The following SLC25A36 variants were observed in gnomAD, a reference collection of about 807,000 sequenced individuals.
SLC25A36 encodes the protein solute carrier family 25 member 36.
A neutral mutation model predicts 35.3 loss-of-function variants in SLC25A36; 24 were observed. The observed-to-expected ratio is 0.68, with a 90% CI of 0.49 to 0.96. The LOEUF (loss-of-function observed/expected upper bound fraction) is 0.96. Among genes scored for constraint, SLC25A36 ranks in the 40% least tolerant of loss-of-function variants. The probability of loss-of-function intolerance (pLI) is 0.00; values close to 1 mark genes in which losing one functional copy is unlikely to be tolerated. For missense variants in SLC25A36, 294 were observed against 381.1 expected (o/e 0.77, Z 1.90); for synonymous variants, 141 against 132.2 (o/e 1.07, Z -0.46).
chr3:140,954,740 G>T (rs1404744256), intron 1 of SLC25A36, among the ~76,000 whole-genome samples: 4 of 152,172 alleles, frequency 2.6e-5, no homozygotes, highest in Non-Finnish European at 5.9e-5. Context: ...TGCAGGTAAT[G>T]ATTTGTAAAT....
Position 140,956,537 on chromosome 3 carries a change from A to G in SLC25A36, c.52A>G (p.Thr18Ala). 1 of 1,583,612 alleles carries G rather than the reference A, an allele frequency of 6.3e-7. No individual in the cohort carries two copies. Among genetic ancestry groups the G allele is most frequent in the Non-Finnish European group, 8.6e-7 (1 of 1,169,572 alleles). ...TTTTTTTTTTTTTAGATGTGGTGGTACAGTGGGAGCTATTCTGACATGTCC... is the reference window on the plus strand; with the variant it reads ...TTTTTTTTTTTTTAGATGTGGTGGTGCAGTGGGAGCTATTCTGACATGTCC... ...VHLFAGGCGGTVGAILTCPLE... is the reference protein window; with the variant it reads ...VHLFAGGCGGAVGAILTCPLE... The change falls in exon 2 of 7, where the codon ACA becomes GCA. Residue 18 changes from threonine to alanine, a missense_variant. Thr to Ala is a moderately conservative substitution (Grantham distance 58). Coordinates refer to ENST00000324194, the MANE Select transcript of SLC25A36 (RefSeq NM_001104647.3).
intron 4 of SLC25A36, chr3:140,965,650 A>G (rs1047623354): frequency 3.1e-4 from 47 of 151,932 alleles, no homozygotes; most frequent in African/African-American, 1.1e-3. Context: ...GTTGTAGTGC[A>G]TACTATAAGA....
At chr3:140,963,028 T>C (rs561114733) in intron 3 of SLC25A36, 99 bp from the exon 4 acceptor site, 1 of 705,818 alleles carries the variant, frequency 1.4e-6, no homozygotes, top group East Asian at 3.1e-5. Flanking sequence ...GACTTTATGG[T>C]TTTTAAATTT....
chr3:140,947,599 A>G (rs192975476), intron 1 of SLC25A36, among the ~76,000 whole-genome samples: 2 of 152,302 alleles, frequency 1.3e-5, no homozygotes, highest in East Asian at 3.9e-4. Context: ...GCTGTATGAT[A>G]CGGCTTGCTT....
intron 1 of SLC25A36, 63 bp from the exon 2 acceptor site, chr3:140,956,464 G>A (rs1223436071): frequency 1.4e-6 from 2 of 1,425,378 alleles, no homozygotes; most frequent in Non-Finnish European, 1.8e-6. Flanking sequence ...TACAGCTCTG[G>A]GCATATATAC....
chr3:140,961,671 C>T (rs1369685295), intron 3 of SLC25A36, among the ~76,000 whole-genome samples: 1 of 151,612 alleles, frequency 6.6e-6, no homozygotes, highest in Non-Finnish European at 1.5e-5. Flanking sequence ...CTGGCTAACA[C>T]AGTGAAACCC....
chr3:140,959,908 A>G (rs887984959), intron 3 of SLC25A36, among the ~76,000 whole-genome samples: 1 of 152,176 alleles, frequency 6.6e-6, no homozygotes. Flanking sequence ...ATAATAAAGT[A>G]TCGCATATTA....
At chr3:140,955,179 C>G (rs1157429065) in intron 1 of SLC25A36, among the ~76,000 whole-genome samples, 1 of 151,940 alleles carries the variant, frequency 6.6e-6, no homozygotes, top group Non-Finnish European at 1.5e-5. Context: ...ATATTTTTAT[C>G]TTTTAAAATT....
intron 1 of SLC25A36, among the ~76,000 whole-genome samples, chr3:140,949,478 T>C (rs1934260881): frequency 6.6e-6 from 1 of 152,222 alleles, no homozygotes; most frequent in African/African-American, 2.4e-5. Flanking sequence ...GATCAATACA[T>C]AGCTATGTGA....
Position 140,942,026 on chromosome 3 carries a change from C to T in SLC25A36, c.-29C>T. The T allele has an allele frequency of 7.9e-6, 11 of 1,383,708 alleles. No homozygotes were observed. The highest frequency in any genetic ancestry group is 1.1e-5 in the Non-Finnish European group (11 of 1,006,444). The allele number at this position is 1,383,708 out of a possible 1,614,324, so 85.7% of individuals were successfully genotyped here. ...GGGCGGCCAGATCCGCGTCCCGCCTCAGCGGCCGGAGGACATGCGGGAGAG... is the reference window on the plus strand; with the variant it reads ...GGGCGGCCAGATCCGCGTCCCGCCTTAGCGGCCGGAGGACATGCGGGAGAG... On this transcript the variant is annotated 5_prime_UTR_variant, in exon 1 of 7. Coordinates refer to ENST00000324194, the MANE Select transcript of SLC25A36 (RefSeq NM_001104647.3).
intron 1 of SLC25A36, among the ~76,000 whole-genome samples, chr3:140,953,711 C>T (rs977494683): frequency 1.3e-5 from 2 of 152,156 alleles, no homozygotes; most frequent in African/African-American, 4.8e-5. Flanking sequence ...AATCCCCGTA[C>T]TTTGGAAGCC....
intron 5 of SLC25A36, among the ~76,000 whole-genome samples, chr3:140,972,519 C>T (rs1559817269): frequency 6.6e-6 from 1 of 151,778 alleles, no homozygotes; most frequent in Non-Finnish European, 1.5e-5. Flanking sequence ...GCCTATAATC[C>T]TAGCTACCTG....
intron 1 of SLC25A36, chr3:140,942,727 A>C (rs1934049624): frequency 6.6e-6 from 1 of 152,100 alleles, no homozygotes. Context: ...TCGGCTTTGC[A>C]AGGTGGGTGG....
rs191676270 is a variant in SLC25A36 at position 140,951,628 on chromosome 3, C to T, written c.42-4899C>T. On this transcript the variant is annotated intron_variant, in intron 1 of 6. Coordinates refer to ENST00000324194, the MANE Select transcript of SLC25A36 (RefSeq NM_001104647.3). ...ACTCCCGAGTAGCTAAGATTACAGG[C>T]GTGCACCACCACGCCTGGCTAATTT... Among the ~76,000 whole-genome samples, 15 of 152,022 alleles carry T rather than the reference C, an allele frequency of 9.9e-5. No homozygotes were observed. In the East Asian group the frequency reaches 2.9e-3, roughly 30 times the overall value.
intron 3 of SLC25A36, among the ~76,000 whole-genome samples, chr3:140,962,664 G>T (rs1464911229): frequency 1.3e-5 from 2 of 151,988 alleles, no homozygotes; most frequent in African/African-American, 2.4e-5. Flanking sequence ...TATGTTAAGT[G>T]CTCATACCAT....
At chr3:140,973,060 G>C (rs997688521) in intron 5 of SLC25A36, 1 of 152,004 alleles carries the variant, frequency 6.6e-6, no homozygotes, top group Admixed American at 6.6e-5. Context: ...TAGAACTAAG[G>C]AAATTGTATT....
chr3:140,963,895 C>T (rs1018423977), intron 4 of SLC25A36: 3 of 151,892 alleles, frequency 2.0e-5, no homozygotes, highest in Non-Finnish European at 4.4e-5. Flanking sequence ...TAGGTCTTTA[C>T]CCTGCCATAA....
chr3:140,950,898 CTCTGTGTGTG>C (rs1934302422), intron 1 of SLC25A36, among the ~76,000 whole-genome samples: 4 of 116,658 alleles, frequency 3.4e-5, no homozygotes, highest in South Asian at 4.9e-4. Flanking sequence ...GTGTGTGTGT[CTCTGTGTGTG>C]TCTGTGTGTC....
chr3:140,954,494 T>G (rs901168253), intron 1 of SLC25A36, among the ~76,000 whole-genome samples: 1 of 152,242 alleles, frequency 6.6e-6, no homozygotes, highest in African/African-American at 2.4e-5. Context: ...GTACCATTTT[T>G]AATTCCCACC....
Sources: allele counts gnomAD v4.1 joint callset (sites outside exome capture counted in the v4.1 genomes callset), GRCh38; gene constraint gnomAD v4.1.1; transcripts MANE v1.5; gene names NCBI Gene and HGNC (gene_info 2026-07-23, HGNC 2026-07-21).